The following TNS3 variants were observed in gnomAD, a reference collection of about 807,000 sequenced individuals.
TNS3 encodes the protein tensin-3.
A neutral mutation model predicts 140.9 loss-of-function variants in TNS3; 45 were observed. The ratio of observed to expected loss-of-function variants is 0.32; its 90% CI spans 0.25 to 0.41. The LOEUF is 0.41. TNS3 is among the 10% of genes least tolerant of loss of function. The pLI is 1.00. For missense variants in TNS3, 1,716 were observed against 1,906.7 expected, an observed-to-expected ratio of 0.90 and a Z score of 1.86; for synonymous variants, 815 against 788.4, an observed-to-expected ratio of 1.03 and a Z score of -0.56.
At chr7:47,455,064 G>C (rs1336810994) in intron 4 of TNS3, among the ~76,000 whole-genome samples, 1 of 152,148 alleles carries the variant, frequency 6.6e-6, no homozygotes, top group African/African-American at 2.4e-5. Flanking sequence ...GGCATCCCAA[G>C]GACAGCCCCA....
intron 1 of TNS3, among the ~76,000 whole-genome samples, chr7:47,535,910 T>C (rs750099432): frequency 1.3e-5 from 2 of 152,254 alleles, no homozygotes; most frequent in Non-Finnish European, 2.9e-5. Context: ...TCAGGAAATA[T>C]TCAGCTCCAC....
intron 16 of TNS3, among the ~76,000 whole-genome samples, chr7:47,371,845 C>T (rs1791090080): frequency 6.6e-6 from 1 of 152,208 alleles, no homozygotes; most frequent in Non-Finnish European, 1.5e-5. Context: ...CCAGCTCCAT[C>T]CTGAGTCCAC....
chr7:47,302,837 C>T (rs1343917609), intron 22 of TNS3, 113 bp downstream of exon 22: 26 of 1,415,316 alleles, frequency 1.8e-5, no homozygotes, highest in Middle Eastern at 2.6e-4. Flanking sequence ...GATTTCCTCT[C>T]CAGGTGCCCA....
intron 12 of TNS3, among the ~76,000 whole-genome samples, chr7:47,413,266 T>TTC (rs1446403127): frequency 7.1e-6 from 1 of 140,622 alleles, no homozygotes; most frequent in Non-Finnish European, 1.6e-5. Flanking sequence ...TTTTTTTTTT[T>TTC]TTTTTTTTTG....
intron 10 of TNS3, among the ~76,000 whole-genome samples, chr7:47,422,779 T>C (rs1794444124): frequency 6.6e-6 from 1 of 152,010 alleles, no homozygotes; most frequent in Non-Finnish European, 1.5e-5. Flanking sequence ...CATGGGTTAC[T>C]CCCTATTTAC....
chr7:47,278,191 C>T lies in TNS3; in HGVS notation c.4223G>A (p.Gly1408Asp). 1 of 1,614,094 alleles carries T rather than the reference C, an allele frequency of 6.2e-7. No individual in the cohort carries two copies. Among genetic ancestry groups the T allele is most frequent in the South Asian group, 1.1e-5 (1 of 91,054 alleles). ...GTGGCACACATTATCCGTGGCACTGCCCTGCTTCCGGGCCACAAATCCAAA... is the reference window on the plus strand; with the variant it reads ...GTGGCACACATTATCCGTGGCACTGTCCTGCTTCCGGGCCACAAATCCAAA... ...KVFGFVARKQ[G>D]SATDNVCHLF... Residue 1408 changes from glycine (G) to aspartate (D), a missense_variant, in exon 31 of 31, where the codon GGC (glycine) becomes GAC (aspartate). Physicochemically the swap from Gly to Asp is moderately conservative, Grantham distance 94 (BLOSUM62 -1). Transcript: ENST00000311160.
intron 2 of TNS3, 91 bp from the exon 3 acceptor site, chr7:47,507,035 C>CT: frequency 3.5e-6 from 4 of 1,132,202 alleles, no homozygotes; most frequent in Non-Finnish European, 4.7e-6. Flanking sequence ...CCTTCAGAGT[C>CT]TCTGGCTTGA....
At chr7:47,319,865 A>G (rs1385613591) in intron 20 of TNS3, among the ~76,000 whole-genome samples, 1 of 152,166 alleles carries the variant, frequency 6.6e-6, no homozygotes, top group East Asian at 1.9e-4. Context: ...TTTTGAGAGA[A>G]TATCACTGGT....
At position 47,442,532 on chromosome 7, in the gene TNS3, T is replaced by C. The variant is rs528128805; in HGVS notation, c.-75-477A>G. ...TCGGGTTATAATTACTTTATAGTTA[T>C]ATAACTCTTCCTTGTGTGTAAGGGT... On this transcript the variant is annotated intron_variant, in intron 4 of 30. Coordinates refer to ENST00000311160, the MANE Select transcript of TNS3 (RefSeq NM_022748.12). Among the ~76,000 whole-genome samples the C allele has an allele frequency of 4.6e-5, 7 of 152,384 alleles. No homozygotes were observed. In the South Asian group the frequency reaches 1.2e-3, roughly 27 times the overall value.
chr7:47,294,435 C>A (rs1785889738), intron 24 of TNS3, among the ~76,000 whole-genome samples: 1 of 152,220 alleles, frequency 6.6e-6, no homozygotes, highest in South Asian at 2.1e-4. Context: ...TAAAAAGCCA[C>A]TGAATGGCAA....
At position 47,400,680 on chromosome 7, in the gene TNS3, T is replaced by G. The variant is rs962958170; in HGVS notation, c.853+105A>C. ...CCTACTTTGGGAACAATTTTGTCAG[T>G]AGGCTGAATTTTGGAAAGAGGGTAA... On this transcript the variant is annotated intron_variant, in intron 14 of 30. Coordinates refer to ENST00000311160, the MANE Select transcript of TNS3 (RefSeq NM_022748.12). 3.9e-6 allele frequency: 6 copies of G among 1,525,902 alleles called. No homozygotes were observed. The Admixed American group carries it at 1.0e-4, about 26-fold the overall frequency. The allele number at this position is 1,525,902 out of a possible 1,614,324, so 94.5% of individuals were successfully genotyped here.
At chr7:47,478,215 A>T (rs1797267324) in intron 4 of TNS3, among the ~76,000 whole-genome samples, 1 of 152,168 alleles carries the variant, frequency 6.6e-6, no homozygotes, top group African/African-American at 2.4e-5. Context: ...GGGTTTGTTA[A>T]AGCACCGATC....
chr7:47,394,984 G>A, intron 16 of TNS3, among the ~76,000 whole-genome samples: 1 of 152,174 alleles, frequency 6.6e-6, no homozygotes, highest in East Asian at 1.9e-4. Flanking sequence ...AGGAGCTGGG[G>A]CTCCTCCACA....
chr7:47,333,803 AT>A (rs1448395745), intron 20 of TNS3, among the ~76,000 whole-genome samples: 21 of 152,274 alleles, frequency 1.4e-4, no homozygotes, highest in African/African-American at 4.1e-4. Flanking sequence ...CTCTGAAACT[AT>A]TTCAATAAGA....
Position 47,420,978 on chromosome 7 carries a change from G to GA in TNS3, c.473+3122dup, listed in dbSNP as rs1794345232. On this transcript the variant is annotated intron_variant, in intron 10 of 30. Coordinates refer to ENST00000311160, the MANE Select transcript of TNS3 (RefSeq NM_022748.12). Reference sequence around the variant, plus strand: ...GTCTGTCTTCCCTTTACCTCAAAGGGACACCCAAATGTGCATAGACAACAT... The same window carrying GA: ...GTCTGTCTTCCCTTTACCTCAAAGGGAACACCCAAATGTGCATAGACAACAT... Among the ~76,000 whole-genome samples, 3 of 152,066 alleles carry GA rather than the reference G, an allele frequency of 2.0e-5. No homozygotes were observed. In the South Asian group the frequency reaches 6.2e-4, roughly 32 times the overall value.
At chr7:47,412,387 G>A (rs1793823347) in intron 12 of TNS3, among the ~76,000 whole-genome samples, 1 of 152,174 alleles carries the variant, frequency 6.6e-6, no homozygotes, top group Admixed American at 6.5e-5. Flanking sequence ...GGGAAGCCAA[G>A]GCAGGCAGAT....
At chr7:47,357,085 T>C (rs1013808911) in intron 17 of TNS3, among the ~76,000 whole-genome samples, 29 of 152,170 alleles carry the variant, frequency 1.9e-4, no homozygotes, top group African/African-American at 7.0e-4. Flanking sequence ...TGAGATCCTA[T>C]CTCAAATGAT....
chr7:47,381,203 CT>C, intron 16 of TNS3, among the ~76,000 whole-genome samples: 1 of 152,352 alleles, frequency 6.6e-6, no homozygotes, highest in Middle Eastern at 3.4e-3. Context: ...CAGTTTCAGC[CT>C]CCTTTTGCTT....
intron 18 of TNS3, among the ~76,000 whole-genome samples, 199 bp from the exon 19 acceptor site, chr7:47,345,237 C>T (rs1370169370): frequency 6.6e-6 from 1 of 152,230 alleles, no homozygotes; most frequent in African/African-American, 2.4e-5. Context: ...AAAACACTTT[C>T]ACCTTCAACA....
Sources: gnomAD v4.1 joint callset for allele counts (sites outside exome capture counted in the v4.1 genomes callset) on GRCh38, gnomAD v4.1.1 for gene constraint, MANE v1.5 for transcripts, NCBI Gene and HGNC (gene_info 2026-07-23, HGNC 2026-07-21) for gene names.